FGF13: variants seen among roughly 807,000 people sequenced by gnomAD.
The protein encoded by FGF13 is fibroblast growth factor homologous factor 2.
A neutral mutation model predicts 19.5 loss-of-function variants in FGF13; 2 were observed. The observed-to-expected ratio is 0.10, with a 90% CI of 0.04 to 0.32. The LOEUF is 0.32. FGF13 is among the 10% of genes least tolerant of loss of function. The pLI, the probability that FGF13 is intolerant of heterozygous loss-of-function variation, is 1.00. For missense variants in FGF13, 113 were observed against 192.7 expected (o/e 0.59, Z 2.45); for synonymous variants, 72 against 76.9 (o/e 0.94, Z 0.33).
chrX:138,836,155 T>A (rs1322265713), intron 3 of FGF13, among the ~76,000 whole-genome samples: 1 of 111,340 alleles, frequency 9.0e-6, no homozygotes, highest in Non-Finnish European at 1.9e-5. Flanking sequence ...CTAATGATTA[T>A]GTGTCTTGGG....
chrX:138,849,704 G>T (rs1475335835), intron 3 of FGF13, among the ~76,000 whole-genome samples: 3 of 111,447 alleles, frequency 2.7e-5, no homozygotes, highest in African/African-American at 9.8e-5. Flanking sequence ...TGGCTGGGAA[G>T]AGAAAAAAAC....
chrX:139,068,539 C>A (rs1394750737), intron 1 of FGF13, among the ~76,000 whole-genome samples: 2 of 109,831 alleles, frequency 1.8e-5, no homozygotes, highest in South Asian at 8.0e-4. Context: ...ATTGGTAGCT[C>A]GATGGGGATG....
At chrX:138,712,934 A>C (rs1418398678), upstream of FGF13, among the ~76,000 whole-genome samples, 2 of 112,394 alleles carry the variant, frequency 1.8e-5, no homozygotes, top group African/African-American at 6.5e-5. Flanking sequence ...TTAGCCCATA[A>C]GAGCTGAATC....
chrX:138,914,052 C>G (rs1044422726), intron 1 of FGF13, among the ~76,000 whole-genome samples: 1 of 109,429 alleles, frequency 9.1e-6, no homozygotes, highest in African/African-American at 3.3e-5. Flanking sequence ...TGCAAAACAT[C>G]ATGGAAAATT....
At chrX:139,053,407 C>A (rs998054909) in intron 1 of FGF13, among the ~76,000 whole-genome samples, 1 of 101,326 alleles carries the variant, frequency 9.9e-6, no homozygotes, top group African/African-American at 3.9e-5. Flanking sequence ...TCCATGCCAG[C>A]ATCTACTGTT....
chrX:139,040,765 T>C (rs61874073), intron 1 of FGF13, among the ~76,000 whole-genome samples: 2 of 110,848 alleles, frequency 1.8e-5, no homozygotes, highest in Admixed American at 9.7e-5. Flanking sequence ...TGTATGTTCA[T>C]TGAAGCACCA....
chrX:138,898,675 A>G, intron 1 of FGF13, among the ~76,000 whole-genome samples: 1 of 111,467 alleles, frequency 9.0e-6, no homozygotes, highest in East Asian at 2.8e-4. Context: ...AAATGCCCCA[A>G]GTTTGTTGGG....
intron 1 of FGF13, among the ~76,000 whole-genome samples, chrX:139,139,451 A>G (rs990114978): frequency 8.9e-6 from 1 of 112,369 alleles, no homozygotes; most frequent in Admixed American, 9.4e-5. Context: ...AAAGAAGTCT[A>G]TTAAACAAAG....
At chrX:139,116,765 G>A (rs2083642586) in intron 1 of FGF13, among the ~76,000 whole-genome samples, 1 of 110,520 alleles carries the variant, frequency 9.0e-6, no homozygotes, top group Non-Finnish European at 1.9e-5. Flanking sequence ...TATTAGTGAG[G>A]GAAGGAAAGG....
chrX:138,949,459 G>A (rs1282901271), intron 1 of FGF13, among the ~76,000 whole-genome samples: 1 of 111,179 alleles, frequency 9.0e-6, no homozygotes, highest in Non-Finnish European at 1.9e-5. Flanking sequence ...CTGTGTGCCC[G>A]TGTCTCTGTT....
chrX:139,046,399 T>C (rs1265764239), intron 1 of FGF13, among the ~76,000 whole-genome samples: 1 of 111,176 alleles, frequency 9.0e-6, no homozygotes, highest in Non-Finnish European at 1.9e-5. Flanking sequence ...GGGGACAGGG[T>C]CAAGTATCCA....
chrX:138,896,108 A>G (rs2091502595), intron 1 of FGF13, among the ~76,000 whole-genome samples: 1 of 112,040 alleles, frequency 8.9e-6, no homozygotes, highest in East Asian at 2.8e-4. Context: ...TGACTATAAT[A>G]ATAATGTAGT....
At chrX:139,198,128 C>T (rs1298499067) in intron 1 of FGF13, among the ~76,000 whole-genome samples, 2 of 109,835 alleles carry the variant, frequency 1.8e-5, no homozygotes, top group African/African-American at 6.6e-5. Context: ...GTTGATTTTA[C>T]GGATGTAAAT....
intron 3 of FGF13, among the ~76,000 whole-genome samples, chrX:138,641,300 A>G (rs1368079024): frequency 9.0e-6 from 1 of 111,704 alleles, no homozygotes; most frequent in East Asian, 2.8e-4. Context: ...TAACTAATCT[A>G]CCTTTTCCTT....
intron 1 of FGF13, among the ~76,000 whole-genome samples, chrX:139,181,691 G>A (rs2084239686): frequency 8.9e-6 from 1 of 112,601 alleles, no homozygotes; most frequent in Admixed American, 9.4e-5. Context: ...GGAGCCCACA[G>A]CCTAGTGAGG....
chrX:138,891,158 A>G (rs1056458063), intron 1 of FGF13, among the ~76,000 whole-genome samples: 1 of 111,421 alleles, frequency 9.0e-6, no homozygotes, highest in Non-Finnish European at 1.9e-5. Flanking sequence ...GGTGTCGGGC[A>G]CCTGTAGTTC....
At chrX:138,642,776 G>T (rs759113276) in intron 3 of FGF13, among the ~76,000 whole-genome samples, 1 of 111,689 alleles carries the variant, frequency 9.0e-6, no homozygotes, top group Admixed American at 9.5e-5. Context: ...TTTCATTTCT[G>T]TCTGCAATAG....
intron 1 of FGF13, among the ~76,000 whole-genome samples, chrX:138,994,664 A>G (rs1313301562): frequency 1.8e-5 from 2 of 110,934 alleles, no homozygotes; most frequent in Non-Finnish European, 3.8e-5. Flanking sequence ...ACAGGCTTAG[A>G]AAACACCCCA....
chrX:138,984,061 A>G (rs1603096239), intron 1 of FGF13, among the ~76,000 whole-genome samples: 4 of 111,823 alleles, frequency 3.6e-5, no homozygotes. Flanking sequence ...GACCAGTGCT[A>G]GAAGAAACCT....
Sources: gnomAD v4.1 joint callset for allele counts (sites outside exome capture counted in the v4.1 genomes callset) on GRCh38, gnomAD v4.1.1 for gene constraint, MANE v1.5 for transcripts, NCBI Gene and HGNC (gene_info 2026-07-23, HGNC 2026-07-21) for gene names.